The following MCCC2 variants were observed in gnomAD, a reference collection of about 807,000 sequenced individuals.
The protein encoded by MCCC2 is methylcrotonyl-CoA carboxylase subunit 2, also known as methylcrotonoyl-CoA carboxylase beta chain, mitochondrial.
A neutral mutation model predicts 77.2 loss-of-function variants in MCCC2; 52 were observed. The ratio of observed to expected loss-of-function variants is 0.67; its 90% CI spans 0.54 to 0.85. The LOEUF (loss-of-function observed/expected upper bound fraction) is 0.85. MCCC2 is among the 40% of genes least tolerant of loss of function. The pLI is 0.00. For missense variants in MCCC2, 682 were observed against 703.2 expected (o/e 0.97, Z 0.34); for synonymous variants, 253 against 248.4 (o/e 1.02, Z -0.18).
At chr5:71,630,864 A>T (rs181755359) in intron 7 of MCCC2, among the ~76,000 whole-genome samples, 4 of 152,278 alleles carry the variant, frequency 2.6e-5, no homozygotes, top group Admixed American at 6.5e-5. Context: ...TTATTCTAAT[A>T]AAAGCTTTTC....
At chr5:71,648,914 G>A (rs1203777472) in intron 13 of MCCC2, among the ~76,000 whole-genome samples, 183 bp from the exon 14 acceptor site, 4 of 152,326 alleles carry the variant, frequency 2.6e-5, no homozygotes, top group South Asian at 4.1e-4. Context: ...AGTGATTAGA[G>A]AAAATTTTAT....
chr5:71,644,056 TGTGTGTGTGTGTGTGC>T (rs1561846282), intron 12 of MCCC2, among the ~76,000 whole-genome samples, 161 bp downstream of exon 12: 3 of 147,454 alleles, frequency 2.0e-5, no homozygotes, highest in African/African-American at 7.9e-5. Context: ...TGTGTGTGTG[TGTGTGTGTGTGTGTGC>T]GCGCGTGTGT....
At chr5:71,628,180 G>C (rs1561839017) in intron 7 of MCCC2, among the ~76,000 whole-genome samples, 1 of 152,154 alleles carries the variant, frequency 6.6e-6, no homozygotes, top group Non-Finnish European at 1.5e-5. Context: ...CCATTTGTAT[G>C]TCTTCTTTGG....
chr5:71,611,898 C>T (rs569782765), intron 6 of MCCC2, among the ~76,000 whole-genome samples: 84 of 151,622 alleles, frequency 5.5e-4, no homozygotes, highest in Admixed American at 9.2e-4. Context: ...ACGCTATTCT[C>T]CTGCCTCAGC....
chr5:71,605,818 C>T (rs1455974102), intron 6 of MCCC2, among the ~76,000 whole-genome samples: 1 of 152,140 alleles, frequency 6.6e-6, no homozygotes, highest in Non-Finnish European at 1.5e-5. Context: ...TTTCCCAACA[C>T]CATTTATTAA....
intron 12 of MCCC2, 120 bp downstream of exon 12, chr5:71,644,015 A>C: frequency 8.8e-7 from 1 of 1,140,692 alleles, no homozygotes. Flanking sequence ...CAGCAACCAG[A>C]ACACTGTGTG....
chr5:71,628,813 G>A (rs140264760), intron 7 of MCCC2, among the ~76,000 whole-genome samples: 77 of 152,256 alleles, frequency 5.1e-4, no homozygotes, highest in Admixed American at 8.5e-4. Flanking sequence ...ATATACATTT[G>A]TATACTTCTA....
At chr5:71,615,191 A>G (rs1182793771) in intron 6 of MCCC2, among the ~76,000 whole-genome samples, 3 of 151,700 alleles carry the variant, frequency 2.0e-5, no homozygotes, top group Non-Finnish European at 2.9e-5. Context: ...CTGGCCTTGA[A>G]CTCCTGACCT....
chr5:71,646,835 TTCC>T (rs1466276974), intron 13 of MCCC2, among the ~76,000 whole-genome samples: 1 of 152,196 alleles, frequency 6.6e-6, no homozygotes, highest in African/African-American at 2.4e-5. Flanking sequence ...TAGGACCCTT[TTCC>T]TCCTCAAGAT....
intron 5 of MCCC2, chr5:71,602,850 C>T (rs1238405512): frequency 1.6e-6 from 1 of 613,050 alleles, no homozygotes; most frequent in Non-Finnish European, 2.7e-6. Context: ...CATTTTGACG[C>T]ATGCCAGTTT....
In MCCC2 at chr5:71,626,678, C is replaced by T. The variant is rs978623277; in HGVS notation, c.663C>T (p.Ala221=). The part of the protein sequence containing the change: ...VVMGSCTAGG[A]YVPAMADENI... ...TGGGCTCCTGCACCGCAGGAGGAGC[C>T]TATGTGCCTGCCATGGCTGATGAAA... Residue 221 remains alanine, a synonymous_variant, in exon 7 of 17, where the codon GCC becomes GCT. Coordinates refer to ENST00000340941, the MANE Select transcript of MCCC2 (RefSeq NM_022132.5). The T allele has an allele frequency of 6.2e-7, 1 of 1,614,100 alleles. No homozygotes were observed. Among genetic ancestry groups the T allele is most frequent in the Non-Finnish European group, 8.5e-7 (1 of 1,180,024 alleles).
chr5:71,630,459 C>T (rs950578442), intron 7 of MCCC2, among the ~76,000 whole-genome samples: 5 of 152,006 alleles, frequency 3.3e-5, no homozygotes, highest in African/African-American at 1.2e-4. Context: ...TAAATATTAA[C>T]TGATGACAAA....
intron 6 of MCCC2, among the ~76,000 whole-genome samples, chr5:71,615,674 G>T (rs1746136226): frequency 6.6e-6 from 1 of 152,140 alleles, no homozygotes. Context: ...ATAAGTTTCT[G>T]AGCAGTAGGG....
chr5:71,640,733 A>T (rs1203686745), intron 10 of MCCC2, among the ~76,000 whole-genome samples: 1 of 152,166 alleles, frequency 6.6e-6, no homozygotes, highest in Non-Finnish European at 1.5e-5. Context: ...TGAAGCTCTA[A>T]GTCTAGCAAC....
intron 7 of MCCC2, 91 bp downstream of exon 7, chr5:71,626,844 T>C (rs1378914721): frequency 2.4e-6 from 3 of 1,233,694 alleles, no homozygotes; most frequent in East Asian, 2.5e-5. Flanking sequence ...TTAAAAAATA[T>C]TGTGATAAAA....
rs1746093790 is a variant in MCCC2, at chr5:71,614,525, A to C, written c.624+10057A>C. ...GAGATGGAGTCCTGCTCTTGTCCCC[A>C]GGCTGGAGTGCAGTGGCGTGCAATA... is the stretch of plus-strand genomic sequence containing the variant. On this transcript the variant is annotated intron_variant, in intron 6 of 16. Transcript: ENST00000340941. Among the ~76,000 whole-genome samples, 7 of 142,258 alleles carry C rather than the reference A, an allele frequency of 4.9e-5. No homozygotes were observed. In the South Asian group the frequency reaches 1.3e-3, roughly 27 times the overall value. 93.3% of individuals were successfully genotyped at this position (142,258 alleles called of 152,430 possible).
chr5:71,605,850 G>T (rs952493865), intron 6 of MCCC2, among the ~76,000 whole-genome samples: 1 of 152,054 alleles, frequency 6.6e-6, no homozygotes, highest in Non-Finnish European at 1.5e-5. Context: ...TTTCCCCATT[G>T]CTTGTTTTTC....
At position 71,626,869 on chromosome 5, in the gene MCCC2, A is replaced by T. The variant is rs534773641; in HGVS notation, c.738+116A>T. ...TTGTGATAAAATATGCATAACATAAAACTTACTGTTGTAACCGTTTTTCAG... is the reference window on the plus strand; with the variant it reads ...TTGTGATAAAATATGCATAACATAATACTTACTGTTGTAACCGTTTTTCAG... On this transcript the variant is annotated intron_variant, in intron 7 of 16. Coordinates refer to ENST00000340941, the MANE Select transcript of MCCC2 (RefSeq NM_022132.5). 64 of 994,694 alleles carry T rather than the reference A, an allele frequency of 6.4e-5. No homozygotes were observed. In the South Asian group the frequency reaches 8.8e-4, roughly 14 times the overall value. 61.6% of individuals were successfully genotyped at this position (994,694 alleles called of 1,614,324 possible).
chr5:71,634,844 GT>G (rs1280474708), intron 8 of MCCC2, 98 bp from the exon 9 acceptor site: 2 of 1,048,426 alleles, frequency 1.9e-6, no homozygotes, highest in African/African-American at 3.2e-5. Flanking sequence ...AGAAGTAAAA[GT>G]GCTGTCATCT....
Sources: gnomAD v4.1 joint callset for allele counts (sites outside exome capture counted in the v4.1 genomes callset) on GRCh38, gnomAD v4.1.1 for gene constraint, MANE v1.5 for transcripts, NCBI Gene and HGNC (gene_info 2026-07-23, HGNC 2026-07-21) for gene names.